The following CHRM3 variants were observed in gnomAD, a reference collection of about 807,000 sequenced individuals.
CHRM3 encodes the protein cholinergic receptor muscarinic 3, also known as muscarinic acetylcholine receptor M3.
Under a neutral mutation model 41.8 loss-of-function variants are expected in CHRM3, and 11 were observed. The observed-to-expected ratio is 0.26, with a 90% confidence interval of 0.17 to 0.44. The LOEUF is 0.44. Ranked by LOEUF, CHRM3 falls within the 20% of genes least tolerant of loss-of-function variation. CHRM3 has a pLI of 1.00. For synonymous variants in CHRM3, 297 were observed against 301.4 expected (o/e 0.99, Z 0.15); for missense variants, 571 against 745.4 (o/e 0.77, Z 2.72).
chr1:239,453,024 T>A (rs181576287), intron 1 of CHRM3, among the ~76,000 whole-genome samples: 531 of 152,188 alleles, frequency 3.5e-3, no homozygotes, highest in African/African-American at 0.012. Context: ...ATGGTCTGGA[T>A]CTCCTGACCT....
At chr1:239,506,689 C>T (rs1668594045) in intron 2 of CHRM3, among the ~76,000 whole-genome samples, 2 of 152,162 alleles carry the variant, frequency 1.3e-5, no homozygotes, top group Non-Finnish European at 2.9e-5. Flanking sequence ...GGCCATCGTC[C>T]TCCAGAACCC....
In CHRM3 at chr1:239,438,744, G is replaced by C. The variant is rs145369405; in HGVS notation, c.-521+51517G>C. The stretch of plus-strand genomic sequence containing the variant: ...GTGAATCCCTTGTAAAGAACATCGA[G>C]GCTTTCTGATAAGTGTGCATCTAAA... On this transcript the variant is annotated intron_variant, in intron 1 of 6. Coordinates refer to ENST00000676153, the MANE Select transcript of CHRM3 (RefSeq NM_001375978.1). Among the ~76,000 whole-genome samples the C allele has an allele frequency of 4.4e-3, 672 of 152,180 alleles. 8 individuals are homozygous for C. Among genetic ancestry groups the C allele is most frequent in the Non-Finnish European group, 5.9e-3 (401 of 68,024 alleles).
intron 2 of CHRM3, among the ~76,000 whole-genome samples, chr1:239,500,626 AT>A (rs1668171900): frequency 2.0e-5 from 3 of 152,266 alleles, no homozygotes; most frequent in East Asian, 1.9e-4. Flanking sequence ...TTAAAAAAAA[AT>A]AAAGTAATTA....
Position 239,576,831 on chromosome 1 carries a change from C to T in CHRM3, c.-313+31082C>T, listed in dbSNP as rs138471317. On this transcript the variant is annotated intron_variant, in intron 3 of 6. Transcript: ENST00000676153. ...AATCACCATTTCTGCACAGCTACCG[C>T]AGACTATAGGTGTTTCATCAGAGTA... Among the ~76,000 whole-genome samples, 600 of 151,960 alleles carry T rather than the reference C, an allele frequency of 3.9e-3. 1 individual carries two copies. Among genetic ancestry groups the T allele is most frequent in the Non-Finnish European group, 6.8e-3 (462 of 67,948 alleles).
At chr1:239,574,320 C>A (rs1398207562) in intron 3 of CHRM3, among the ~76,000 whole-genome samples, 2 of 151,960 alleles carry the variant, frequency 1.3e-5, no homozygotes, top group East Asian at 1.9e-4. Context: ...CATTTCCCAG[C>A]TGCCCTCCTC....
At chr1:239,412,093 A>G (rs1253046691) in intron 1 of CHRM3, among the ~76,000 whole-genome samples, 1 of 151,276 alleles carries the variant, frequency 6.6e-6, no homozygotes, top group Non-Finnish European at 1.5e-5. Flanking sequence ...TTTAATATTA[A>G]TATGTTTTGA....
intron 2 of CHRM3, among the ~76,000 whole-genome samples, chr1:239,508,856 G>A (rs1407183729): frequency 6.6e-6 from 1 of 152,194 alleles, no homozygotes; most frequent in Non-Finnish European, 1.5e-5. Flanking sequence ...TATTCTTTAA[G>A]CTTATGATTC....
In CHRM3 at chr1:239,908,648, G is replaced by A. The variant is rs745771659; in HGVS notation, c.1197G>A (p.Val399=). 3 of 1,612,366 alleles carry A rather than the reference G, an allele frequency of 1.9e-6. No homozygotes were observed. Among genetic ancestry groups the A allele is most frequent in the Non-Finnish European group, 1.7e-6 (2 of 1,179,228 alleles). ...TGCCTGAGGAGGAGCTGGGGATGGT[G>A]GACTTGGAGAGGAAAGCCGACAAGC... is the stretch of plus-strand genomic sequence containing the variant. ...LQVPEEELGM[V]DLERKADKLQ... The change falls in exon 7 of 7, where the codon GTG becomes GTA. Residue 399 remains valine (V), a synonymous_variant. Transcript: ENST00000676153. The surrounding 1 kb of genome is among the most constrained non-coding windows in gnomAD (Gnocchi z 7.2).
intron 2 of CHRM3, among the ~76,000 whole-genome samples, chr1:239,508,600 A>C (rs1405172826): frequency 6.6e-6 from 1 of 152,212 alleles, no homozygotes; most frequent in East Asian, 1.9e-4. Flanking sequence ...TTCTACTTCA[A>C]GCATAATCAC....
intron 6 of CHRM3, among the ~76,000 whole-genome samples, chr1:239,891,393 T>C (rs185808993): frequency 3.3e-5 from 5 of 152,290 alleles, no homozygotes; most frequent in Admixed American, 3.3e-4. Flanking sequence ...TGCTTTCACA[T>C]GCCAACTGAA....
At chr1:239,488,107 A>G (rs1448775520) in intron 1 of CHRM3, among the ~76,000 whole-genome samples, 2 of 152,178 alleles carry the variant, frequency 1.3e-5, no homozygotes, top group Non-Finnish European at 2.9e-5. Flanking sequence ...GGGTCCTCTC[A>G]TAGTCTCTTT....
chr1:239,848,281 A>G (rs1051749314), intron 6 of CHRM3, among the ~76,000 whole-genome samples: 20 of 152,258 alleles, frequency 1.3e-4, no homozygotes, highest in African/African-American at 4.6e-4. Context: ...ATGCCATTCA[A>G]AATTATTCTG....
chr1:239,699,301 G>T (rs1660474574), intron 5 of CHRM3, among the ~76,000 whole-genome samples: 1 of 152,092 alleles, frequency 6.6e-6, no homozygotes, highest in Non-Finnish European at 1.5e-5. Flanking sequence ...GGAGTTTGGG[G>T]AGGTGATTAC....
At chr1:239,547,470 G>T (rs1030497912) in intron 3 of CHRM3, among the ~76,000 whole-genome samples, 1 of 152,144 alleles carries the variant, frequency 6.6e-6, no homozygotes, top group Non-Finnish European at 1.5e-5. Context: ...GGATTATCCT[G>T]ATGAGCACAG....
chr1:239,843,328 A>G (rs2149177759), intron 6 of CHRM3, among the ~76,000 whole-genome samples: 1 of 152,040 alleles, frequency 6.6e-6, no homozygotes, highest in Admixed American at 6.5e-5. Context: ...TGTAGCTCCC[A>G]GGGACCCATG....
intron 3 of CHRM3, among the ~76,000 whole-genome samples, chr1:239,610,078 A>T (rs897104337): frequency 6.7e-6 from 1 of 150,176 alleles, no homozygotes; most frequent in South Asian, 2.1e-4. Flanking sequence ...CTGTAGTCCC[A>T]GCTACTCAGG....
chr1:239,689,368 C>A (rs1327092119), intron 5 of CHRM3, among the ~76,000 whole-genome samples: 1 of 151,440 alleles, frequency 6.6e-6, no homozygotes, highest in Non-Finnish European at 1.5e-5. Flanking sequence ...CCTTTGTGCA[C>A]GCAGAAAGAC....
intron 3 of CHRM3, among the ~76,000 whole-genome samples, chr1:239,578,042 A>G (rs904865038): frequency 1.3e-5 from 2 of 152,200 alleles, no homozygotes; most frequent in Non-Finnish European, 2.9e-5. Flanking sequence ...TGTAAGCCTC[A>G]AGAATGGAAA....
chr1:239,406,126 A>G (rs1660578070), intron 1 of CHRM3, among the ~76,000 whole-genome samples: 3 of 152,188 alleles, frequency 2.0e-5, no homozygotes, highest in African/African-American at 7.2e-5. Flanking sequence ...TCCTGACCTC[A>G]TGATCTACTC....
Sources: allele counts gnomAD v4.1 joint callset (sites outside exome capture counted in the v4.1 genomes callset), GRCh38; gene constraint gnomAD v4.1.1; non-coding constraint Gnocchi (gnomAD v3.1); transcripts MANE v1.5; gene names NCBI Gene and HGNC (gene_info 2026-07-23, HGNC 2026-07-21).